PDE4D: variants seen among roughly 807,000 people sequenced by gnomAD.
PDE4D encodes 3',5'-cyclic-AMP phosphodiesterase 4D.
Under a neutral mutation model 87.4 loss-of-function variants are expected in PDE4D, and 24 were observed. The observed-to-expected ratio is 0.27, with a 90% CI of 0.20 to 0.39. The LOEUF (loss-of-function observed/expected upper bound fraction) is 0.39, where lower values mean the gene tolerates loss of function less well. Among genes scored for constraint, PDE4D ranks in the 10% least tolerant of loss-of-function variants. The probability of loss-of-function intolerance (pLI) is 1.00; values close to 1 mark genes in which losing one functional copy is unlikely to be tolerated. For missense variants in PDE4D, 714 were observed against 1,041.0 expected, an observed-to-expected ratio of 0.69 and a Z score of 4.32; for synonymous variants, 384 against 383.2, an observed-to-expected ratio of 1.00 and a Z score of -0.02.
At chr5:59,020,057 G>A (rs1254325964) in intron 6 of PDE4D, among the ~76,000 whole-genome samples, 1 of 152,094 alleles carries the variant, frequency 6.6e-6, no homozygotes, top group Non-Finnish European at 1.5e-5. Context: ...CAGCCAAAAC[G>A]TACAAAATGA....
intron 1 of PDE4D, among the ~76,000 whole-genome samples, chr5:60,317,689 C>G (rs1755768107): frequency 1.3e-5 from 2 of 152,170 alleles, no homozygotes; most frequent in Non-Finnish European, 2.9e-5. Flanking sequence ...TATGTTGTGT[C>G]TTTGTTCTCA....
intron 1 of PDE4D, among the ~76,000 whole-genome samples, chr5:60,518,269 A>G (rs1245643163): frequency 6.6e-6 from 1 of 152,212 alleles, no homozygotes; most frequent in East Asian, 1.9e-4. Flanking sequence ...TGAGCCCAGC[A>G]CAGCCTGCCC....
intron 5 of PDE4D, among the ~76,000 whole-genome samples, chr5:59,064,275 C>T (rs1350187135): frequency 3.3e-5 from 5 of 152,060 alleles, no homozygotes; most frequent in Admixed American, 6.6e-5. Context: ...CTAAAATACA[C>T]TGGAAATTTT....
intron 1 of PDE4D, among the ~76,000 whole-genome samples, chr5:60,291,001 G>A (rs1752846305): frequency 6.6e-6 from 1 of 152,152 alleles, no homozygotes; most frequent in African/African-American, 2.4e-5. Context: ...TCTAAAGAAC[G>A]AAATGTTCTG....
chr5:59,318,985 A>G (rs1328269085), intron 1 of PDE4D, among the ~76,000 whole-genome samples: 1 of 152,138 alleles, frequency 6.6e-6, no homozygotes, highest in Non-Finnish European at 1.5e-5. Context: ...TAGTTAAGAC[A>G]ATACACACAG....
At chr5:59,932,974 C>T (rs934697053) in intron 3 of PDE4D, among the ~76,000 whole-genome samples, 2 of 152,184 alleles carry the variant, frequency 1.3e-5, no homozygotes, top group African/African-American at 4.8e-5. Flanking sequence ...TCTCCCTTTT[C>T]TGGGGCAGCA....
At chr5:60,406,761 C>CT (rs1428579646) in intron 1 of PDE4D, among the ~76,000 whole-genome samples, 1 of 152,090 alleles carries the variant, frequency 6.6e-6, no homozygotes, top group Non-Finnish European at 1.5e-5. Context: ...GCCTCATTTT[C>CT]TATCAGCTGC....
In PDE4D at chr5:59,457,670, C is replaced by T. The variant is rs575562814; in HGVS notation, c.456-241702G>A. Among the ~76,000 whole-genome samples, 24 of 152,228 alleles carry T rather than the reference C, an allele frequency of 1.6e-4. No homozygotes were observed. In the East Asian group the frequency reaches 4.6e-3, roughly 29 times the overall value. On this transcript the variant is annotated intron_variant, in intron 1 of 14. Coordinates refer to ENST00000340635, the MANE Select transcript of PDE4D (RefSeq NM_001104631.2). Reference sequence around the variant, plus strand: ...CTTTGGGAGGCCGAGGCAGGTGGATCACCTGAGGTCAGAAGCTCAAGACCA... The same window carrying T: ...CTTTGGGAGGCCGAGGCAGGTGGATTACCTGAGGTCAGAAGCTCAAGACCA...
chr5:59,253,410 C>A (rs1760356984), intron 1 of PDE4D, among the ~76,000 whole-genome samples: 3 of 152,094 alleles, frequency 2.0e-5, no homozygotes, highest in African/African-American at 7.2e-5. Flanking sequence ...TGTTAATTGG[C>A]AAGCTAATTG....
chr5:59,762,251 T>C (rs1762083324), intron 1 of PDE4D, among the ~76,000 whole-genome samples: 1 of 134,642 alleles, frequency 7.4e-6, no homozygotes, highest in Non-Finnish European at 1.6e-5. Context: ...TGTATATGGG[T>C]ACACATATGC....
chr5:59,243,603 G>C lies in PDE4D; in HGVS notation c.456-27635C>G, dbSNP rs547835561. On this transcript the variant is annotated intron_variant, in intron 1 of 14. Coordinates refer to ENST00000340635, the MANE Select transcript of PDE4D (RefSeq NM_001104631.2). ...GTCTCCTGAGTAGCTGGGATTACAG[G>C]TGCCCACCGCCATGCCCAGCTGATT... Among the ~76,000 whole-genome samples the C allele has an allele frequency of 4.0e-5, 6 of 151,362 alleles. No homozygotes were observed. In the South Asian group the frequency reaches 1.3e-3, roughly 32 times the overall value.
At chr5:59,177,981 C>T (rs922436) in intron 5 of PDE4D, among the ~76,000 whole-genome samples, 12,261 of 152,062 alleles carry the variant, frequency 0.081, 650 homozygotes, top group Admixed American at 0.14. Context: ...ACTACTGCCA[C>T]AGTACAGCCA....
chr5:59,384,344 C>T (rs1156269714), intron 1 of PDE4D, among the ~76,000 whole-genome samples: 6 of 152,140 alleles, frequency 3.9e-5, no homozygotes, highest in Non-Finnish European at 7.4e-5. Context: ...AATGGAGCCA[C>T]GTGACTAATT....
At position 59,417,951 on chromosome 5, in the gene PDE4D, C is replaced by T. The variant is rs75437334; in HGVS notation, c.456-201983G>A. On this transcript the variant is annotated intron_variant, in intron 1 of 14. Coordinates refer to ENST00000340635, the MANE Select transcript of PDE4D (RefSeq NM_001104631.2). ...AAAAACAACAACAATAACAACAAAACGCTTTACTTTTCCTGATAGGTTTGC... is the reference window on the plus strand; with the variant it reads ...AAAAACAACAACAATAACAACAAAATGCTTTACTTTTCCTGATAGGTTTGC... 9.1e-3 allele frequency among the ~76,000 whole-genome samples: 1,383 copies of T among 152,198 alleles called. 22 individuals carry two copies. Among genetic ancestry groups the T allele is most frequent in the African/African-American group, 0.031 (1,273 of 41,518 alleles).
At chr5:59,805,212 G>A (rs1231684460) in intron 1 of PDE4D, among the ~76,000 whole-genome samples, 1 of 152,214 alleles carries the variant, frequency 6.6e-6, no homozygotes, top group Admixed American at 6.5e-5. Flanking sequence ...GTCACATGAA[G>A]CTACTTGAAA....
At chr5:59,958,951 T>C (rs7712937) in intron 3 of PDE4D, among the ~76,000 whole-genome samples, 79,921 of 151,896 alleles carry the variant, frequency 0.53, 21,595 homozygotes, top group East Asian at 0.87. Flanking sequence ...ACCTAATGTC[T>C]CCACCAAAAG....
chr5:58,977,758 CTG>C (rs1744150011), intron 11 of PDE4D, among the ~76,000 whole-genome samples: 1 of 152,014 alleles, frequency 6.6e-6, no homozygotes, highest in African/African-American at 2.4e-5. Context: ...AGTGAGGATC[CTG>C]TGTTACAGGA....
intron 1 of PDE4D, among the ~76,000 whole-genome samples, chr5:59,504,937 T>TGTGC (rs1554198181): frequency 1.5e-5 from 2 of 131,824 alleles, no homozygotes; most frequent in African/African-American, 2.9e-5. Context: ...TGTGTGTGTG[T>TGTGC]GTGCGTGCGC....
intron 1 of PDE4D, among the ~76,000 whole-genome samples, chr5:59,692,629 T>C (rs1256910722): frequency 1.3e-5 from 2 of 152,156 alleles, no homozygotes; most frequent in African/African-American, 4.8e-5. Flanking sequence ...TCTCATGTTG[T>C]AGAGTATTGC....
Sources: allele counts gnomAD v4.1 joint callset (sites outside exome capture counted in the v4.1 genomes callset), GRCh38; gene constraint gnomAD v4.1.1; transcripts MANE v1.5; gene names NCBI Gene and HGNC (gene_info 2026-07-23, HGNC 2026-07-21).